SUGT1: variants seen among roughly 807,000 people sequenced by gnomAD.
SUGT1 encodes SGT1 assembly cochaperone of MIS12 kinetochore complex, also known as protein SGT1 homolog.
In SUGT1, 15 loss-of-function variants were observed where a neutral mutation model predicts 56.1. The ratio of observed to expected loss-of-function variants is 0.27; its 90% CI spans 0.18 to 0.41. The LOEUF (loss-of-function observed/expected upper bound fraction) is 0.41. Ranked by LOEUF, SUGT1 falls within the 10% of genes least tolerant of loss-of-function variation. The probability of loss-of-function intolerance (pLI) is 1.00; values close to 1 mark genes in which losing one functional copy is unlikely to be tolerated. For missense variants in SUGT1, 347 were observed against 382.2 expected (o/e 0.91, Z 0.77); for synonymous variants, 123 against 128.6 (o/e 0.96, Z 0.30).
At chr13:52,676,184 G>C (rs1166920975) in intron 10 of SUGT1, 46 bp from the exon 11 acceptor site, 15 of 1,487,612 alleles carry the variant, frequency 1.0e-5, no homozygotes, top group Non-Finnish European at 1.4e-5. Flanking sequence ...TTACTGTTTT[G>C]TGTATTTTAC....
rs1963915026 is a variant in SUGT1, at chr13:52,695,864, A to G, written c.*8029A>G. The G allele has an allele frequency of 6.6e-6, 1 of 152,228 alleles. No individual in the cohort carries two copies. Among genetic ancestry groups the G allele is most frequent in the Admixed American group, 6.5e-5 (1 of 15,284 alleles). 9.4% of individuals were successfully genotyped at this position (152,228 alleles called of 1,614,324 possible). ...ATTCCTTTTTCTGCCCCTCCTGGGC[A>G]TCTCCAGTTTCCTACTGATGTGTCA... is the stretch of plus-strand genomic sequence containing the variant. On this transcript the variant is annotated 3_prime_UTR_variant, in exon 13 of 13. Coordinates refer to ENST00000310528, the MANE Select transcript of SUGT1 (RefSeq NM_006704.5).
At chr13:52,685,855 C>T (rs188495431) in intron 12 of SUGT1, among the ~76,000 whole-genome samples, 22 of 152,228 alleles carry the variant, frequency 1.4e-4, no homozygotes, top group African/African-American at 5.3e-4. Flanking sequence ...GGGGGTGGGG[C>T]GATAAGTGTC....
chr13:52,662,957 T>C (rs1024888959), intron 6 of SUGT1, 139 bp from the exon 7 acceptor site: 12 of 1,002,118 alleles, frequency 1.2e-5, no homozygotes, highest in Middle Eastern at 3.2e-4. Flanking sequence ...GGATGCAAAA[T>C]GAAACCACTT....
intron 2 of SUGT1, among the ~76,000 whole-genome samples, chr13:52,654,270 T>G (rs1033499446): frequency 6.6e-6 from 1 of 152,202 alleles, no homozygotes; most frequent in Non-Finnish European, 1.5e-5. Flanking sequence ...CAGGAAGCAC[T>G]GAGAATTTTT....
chr13:52,664,145 C>A (rs1962580606), intron 8 of SUGT1, 88 bp downstream of exon 8: 1 of 1,338,900 alleles, frequency 7.5e-7, no homozygotes, highest in East Asian at 2.4e-5. Flanking sequence ...CAAATTCTTA[C>A]CATGTGATTT....
At chr13:52,664,094 A>G (rs538442517) in intron 8 of SUGT1, 37 bp downstream of exon 8, 1 of 1,596,780 alleles carries the variant, frequency 6.3e-7, no homozygotes. Flanking sequence ...TGCATGATAA[A>G]TATGCCTAAA....
rs1964003545 is a variant in SUGT1 at position 52,698,657 on chromosome 13, A to G, written c.*10822A>G. 6.6e-6 allele frequency: 1 copy of G among 152,428 alleles called. No individual in the cohort carries two copies. The highest frequency in any genetic ancestry group is 1.5e-5 in the Non-Finnish European group (1 of 68,446). The allele number at this position is 152,428 out of a possible 1,614,324, so 9.4% of individuals were successfully genotyped here. On this transcript the variant is annotated 3_prime_UTR_variant, in exon 13 of 13. Coordinates refer to ENST00000310528, the MANE Select transcript of SUGT1 (RefSeq NM_006704.5). ...GCTGTGTTGCCCGGGCTGCTCTCTT[A>G]ACTCCTGGCCTCAAGTAATCCTCTT...
At chr13:52,681,552 C>T (rs1963374710) in intron 12 of SUGT1, among the ~76,000 whole-genome samples, 1 of 152,036 alleles carries the variant, frequency 6.6e-6, no homozygotes, top group Admixed American at 6.6e-5. Context: ...AACTATGCTA[C>T]AACATCACAA....
chr13:52,657,362 TG>T (rs1202057548), intron 2 of SUGT1, among the ~76,000 whole-genome samples, 169 bp from the exon 3 acceptor site: 1 of 152,164 alleles, frequency 6.6e-6, no homozygotes, highest in Non-Finnish European at 1.5e-5. Context: ...GCAAGAGAAG[TG>T]GGGGAGATAT....
At chr13:52,683,581 A>G (rs1480471832) in intron 12 of SUGT1, among the ~76,000 whole-genome samples, 1 of 152,198 alleles carries the variant, frequency 6.6e-6, no homozygotes, top group African/African-American at 2.4e-5. Context: ...TTGGTTTGGC[A>G]TCAGAGTAAT....
At position 52,659,166 on chromosome 13, in the gene SUGT1, T is replaced by A; in HGVS notation, c.258-13T>A. On this transcript the variant is annotated splice_polypyrimidine_tract_variant and intron_variant, in intron 4 of 12. Coordinates refer to ENST00000310528, the MANE Select transcript of SUGT1 (RefSeq NM_006704.5). ...TTTGTGTGTCTTAATTTGTTTTAAA[T>A]ATATTCATGCAGAATATGTGAATAC... 6.6e-7 allele frequency: 1 copy of A among 1,518,966 alleles called. No homozygotes were observed. The highest frequency in any genetic ancestry group is 8.8e-7 in the Non-Finnish European group (1 of 1,139,914). The allele number at this position is 1,518,966 out of a possible 1,614,324, so 94.1% of individuals were successfully genotyped here. A position where few individuals can be genotyped will look rare whatever the true frequency, so the allele number is the denominator to read the frequency against.
At chr13:52,679,565 G>C (rs1224043425) in intron 11 of SUGT1, among the ~76,000 whole-genome samples, 1 of 108,334 alleles carries the variant, frequency 9.2e-6, no homozygotes, top group African/African-American at 3.3e-5. Flanking sequence ...AGTTACAAAA[G>C]ATTTCTTAGG....
intron 12 of SUGT1, among the ~76,000 whole-genome samples, chr13:52,685,389 C>G (rs572357212): frequency 2.6e-5 from 4 of 151,896 alleles, no homozygotes; most frequent in African/African-American, 4.8e-5. Flanking sequence ...GCCACTGCAC[C>G]TGGCCCCTTT....
At chr13:52,659,897 C>T (rs1403610226) in intron 5 of SUGT1, among the ~76,000 whole-genome samples, 1 of 138,484 alleles carries the variant, frequency 7.2e-6, no homozygotes, top group East Asian at 2.1e-4. Flanking sequence ...GGCGCGATCT[C>T]GACTCACTGC....
At chr13:52,667,734 A>G (rs1343299023) in intron 10 of SUGT1, among the ~76,000 whole-genome samples, 1 of 152,184 alleles carries the variant, frequency 6.6e-6, no homozygotes, top group African/African-American at 2.4e-5. Context: ...GATGTAGATA[A>G]TAGTGTAATT....
chr13:52,676,316 A>T lies in SUGT1; in HGVS notation c.714A>T (p.Val238=). ...ATGTGCCTACGCCAAAACAATTCGT[A>T]GCAGGTTTGTTTTCTGGCCTTGATG... ...QGDVPTPKQF[V]ADVKNLYPSS... Residue 238 remains valine, a synonymous_variant, in exon 11 of 13, where the codon GTA becomes GTT. Transcript: ENST00000310528. 1 of 1,611,486 alleles carries T rather than the reference A, an allele frequency of 6.2e-7. No individual in the cohort carries two copies. Among genetic ancestry groups the T allele is most frequent in the Non-Finnish European group, 8.5e-7 (1 of 1,178,964 alleles).
chr13:52,667,985 T>TC lies in SUGT1; in HGVS notation c.627+1068dup, dbSNP rs61617929. On this transcript the variant is annotated intron_variant, in intron 10 of 12. Transcript: ENST00000310528. Reference sequence around the variant, plus strand: ...TTTCCATTACTACTTTTTTTTTTTTTCCTTGTTTTTGAGATGTAGTCTAGC... The same window carrying TC: ...TTTCCATTACTACTTTTTTTTTTTTTCCCTTGTTTTTGAGATGTAGTCTAGC... 5.6e-3 allele frequency among the ~76,000 whole-genome samples: 847 copies of TC among 151,828 alleles called. 4 individuals are homozygous for TC. Among genetic ancestry groups the TC allele is most frequent in the African/African-American group, 0.02 (818 of 41,362 alleles).
intron 10 of SUGT1, among the ~76,000 whole-genome samples, chr13:52,672,266 C>T (rs939594311): frequency 6.6e-6 from 1 of 152,136 alleles, no homozygotes; most frequent in African/African-American, 2.4e-5. Context: ...AGTCACTACA[C>T]CTGACACATA....
chr13:52,670,499 A>G (rs965178989), intron 10 of SUGT1, among the ~76,000 whole-genome samples: 1 of 152,186 alleles, frequency 6.6e-6, no homozygotes, highest in Admixed American at 6.5e-5. Context: ...ATTAATTTTC[A>G]TTCCCTTTAA....
Sources: allele counts gnomAD v4.1 joint callset (sites outside exome capture counted in the v4.1 genomes callset), GRCh38; gene constraint gnomAD v4.1.1; transcripts MANE v1.5; gene names NCBI Gene and HGNC (gene_info 2026-07-23, HGNC 2026-07-21).